The following SAMMSON variants were observed in gnomAD, a reference collection of about 807,000 sequenced individuals.
SAMMSON encodes the protein survival associated mitochondrial melanoma specific oncogenic non-coding RNA.
rs144145277 is a variant in SAMMSON, at chr3:70,339,015, C to G, written n.740-15160C>G. ...GACTTCAAACTATACTACAAGGCTA[C>G]AGTAACCAAAACAGCATGCTACTGG... is the stretch of plus-strand genomic sequence containing the variant. On this transcript the variant is annotated intron_variant and non_coding_transcript_variant, in intron 7 of 9. Coordinates refer to ENST00000642114, the Ensembl canonical transcript of SAMMSON. 4.7e-4 allele frequency among the ~76,000 whole-genome samples: 72 copies of G among 152,220 alleles called. No individual in the cohort carries two copies. The East Asian group carries it at 9.8e-3, about 21-fold the overall frequency.
chr3:70,303,413 A>C (rs1001692848), intron 7 of SAMMSON, among the ~76,000 whole-genome samples: 1 of 152,104 alleles, frequency 6.6e-6, no homozygotes, highest in African/African-American at 2.4e-5. Context: ...GAGGAAAAAA[A>C]ATTATGCGGA....
At chr3:70,380,859 C>A (rs953816029) in intron 9 of SAMMSON, among the ~76,000 whole-genome samples, 9 of 152,156 alleles carry the variant, frequency 5.9e-5, no homozygotes, top group Non-Finnish European at 8.8e-5. Context: ...CATGCCCATA[C>A]AAAGGACATG....
At chr3:70,285,933 A>T (rs1270134090) in intron 6 of SAMMSON, among the ~76,000 whole-genome samples, 16 of 150,584 alleles carry the variant, frequency 1.1e-4, no homozygotes, top group East Asian at 3.9e-4. Flanking sequence ...AATTTGTTTG[A>T]GTTCATTGTA....
chr3:70,188,477 AAAT>A (rs1445807530), intron 4 of SAMMSON, among the ~76,000 whole-genome samples: 2 of 152,204 alleles, frequency 1.3e-5, no homozygotes, highest in African/African-American at 4.8e-5. Context: ...AGAGAAGAAA[AAAT>A]AAAGAGATAT....
intron 2 of SAMMSON, among the ~76,000 whole-genome samples, chr3:70,399,868 A>C (rs1701124950): frequency 7.0e-6 from 1 of 143,372 alleles, no homozygotes; most frequent in African/African-American, 2.7e-5. Context: ...AAAAAAAAAC[A>C]AAAAAAAAAC....
At chr3:70,340,003 C>T (rs2106728025) in intron 7 of SAMMSON, among the ~76,000 whole-genome samples, 1 of 152,110 alleles carries the variant, frequency 6.6e-6, no homozygotes, top group African/African-American at 2.4e-5. Context: ...TGGAACCAAC[C>T]CAAATGTCCA....
intron 7 of SAMMSON, among the ~76,000 whole-genome samples, chr3:70,294,432 A>G (rs899831220): frequency 1.3e-5 from 2 of 152,204 alleles, no homozygotes; most frequent in Non-Finnish European, 2.9e-5. Context: ...GAATATAGAA[A>G]GGAATAAGAA....
At chr3:70,039,625 A>G (rs2067099058) in intron 3 of SAMMSON, among the ~76,000 whole-genome samples, 1 of 150,426 alleles carries the variant, frequency 6.6e-6, no homozygotes, top group Non-Finnish European at 1.5e-5. Context: ...ACACACACAC[A>G]CACACACACA....
At chr3:70,369,884 T>C (rs1309886415) in intron 9 of SAMMSON, among the ~76,000 whole-genome samples, 1 of 151,878 alleles carries the variant, frequency 6.6e-6, no homozygotes, top group East Asian at 1.9e-4. Context: ...ATATTTATAA[T>C]ACTCTGCTGT....
At chr3:70,341,283 T>C (rs910687318) in intron 7 of SAMMSON, among the ~76,000 whole-genome samples, 7 of 152,138 alleles carry the variant, frequency 4.6e-5, no homozygotes, top group African/African-American at 1.7e-4. Flanking sequence ...GCACATGCAG[T>C]GACCAATTCT....
intron 4 of SAMMSON, among the ~76,000 whole-genome samples, chr3:70,201,794 C>T (rs1432721478): frequency 1.3e-5 from 2 of 152,176 alleles, no homozygotes; most frequent in African/African-American, 4.8e-5. Context: ...CTCCTCTTGC[C>T]CTCCTCTGTG....
chr3:70,286,147 G>T (rs1406142572), intron 6 of SAMMSON, among the ~76,000 whole-genome samples: 2 of 152,202 alleles, frequency 1.3e-5, no homozygotes, highest in Admixed American at 1.3e-4. Context: ...CCTATGTCCT[G>T]AATGGTAATG....
chr3:70,252,389 G>T (rs1292704782), intron 6 of SAMMSON, among the ~76,000 whole-genome samples: 1 of 152,164 alleles, frequency 6.6e-6, no homozygotes, highest in Non-Finnish European at 1.5e-5. Context: ...TTAGACAATT[G>T]GGTGTTGGGG....
chr3:70,367,981 G>A (rs1702934792), intron 9 of SAMMSON, among the ~76,000 whole-genome samples: 1 of 150,184 alleles, frequency 6.7e-6, no homozygotes, highest in African/African-American at 2.4e-5. Context: ...TTATTGTTGA[G>A]TTTGAAGAGT....
At chr3:70,233,633 C>G (rs1023916781) in intron 4 of SAMMSON, among the ~76,000 whole-genome samples, 1 of 152,170 alleles carries the variant, frequency 6.6e-6, no homozygotes, top group Admixed American at 6.5e-5. Flanking sequence ...TTCCCTATGT[C>G]CTTTTGTAAT....
At chr3:70,175,148 G>T (rs1157924521) in intron 4 of SAMMSON, among the ~76,000 whole-genome samples, 1 of 152,002 alleles carries the variant, frequency 6.6e-6, no homozygotes, top group Non-Finnish European at 1.5e-5. Context: ...GGGGACTTTG[G>T]TTCTTTTCAT....
At chr3:70,035,090 T>A (rs1437243498) in intron 3 of SAMMSON, among the ~76,000 whole-genome samples, 1 of 152,044 alleles carries the variant, frequency 6.6e-6, no homozygotes, top group Non-Finnish European at 1.5e-5. Context: ...CTGCCTGGGA[T>A]TTTACCTGGA....
intron 7 of SAMMSON, among the ~76,000 whole-genome samples, chr3:70,310,389 A>G (rs1410799483): frequency 6.6e-6 from 1 of 151,866 alleles, no homozygotes; most frequent in African/African-American, 2.4e-5. Flanking sequence ...TTTTTGAGAC[A>G]GAGTTTTGCT....
At chr3:70,389,802 C>T (rs1368295511) in exon 10 of SAMMSON, 1 of 151,960 alleles carries the variant, frequency 6.6e-6, no homozygotes, top group Non-Finnish European at 1.5e-5. Context: ...ATTGGAAATA[C>T]CAGTGTGGAT....
Sources: allele counts gnomAD v4.1 joint callset (sites outside exome capture counted in the v4.1 genomes callset), GRCh38; gene constraint gnomAD v4.1.1; transcripts MANE v1.5; gene names NCBI Gene and HGNC (gene_info 2026-07-23, HGNC 2026-07-21).